RABGEF1: variants seen among roughly 807,000 people sequenced by gnomAD.
RABGEF1 encodes the protein RAB guanine nucleotide exchange factor 1.
In RABGEF1, 26 loss-of-function variants were observed where a neutral mutation model predicts 57.3. That is an observed-to-expected ratio of 0.45 (90% CI 0.33 to 0.63). The LOEUF (loss-of-function observed/expected upper bound fraction) is 0.63, where lower values mean the gene tolerates loss of function less well. RABGEF1 is among the 20% of genes least tolerant of loss of function. The pLI is 0.02. For synonymous variants in RABGEF1, 185 were observed against 210.7 expected, an observed-to-expected ratio of 0.88 and a Z score of 1.06; for missense variants, 464 against 607.6, an observed-to-expected ratio of 0.76 and a Z score of 2.48.
intron 1 of RABGEF1, among the ~76,000 whole-genome samples, chr7:66,765,039 A>T (rs1467503407): frequency 6.6e-6 from 1 of 151,918 alleles, no homozygotes. Context: ...CAACTTAATT[A>T]TATCTGCAAA....
intron 1 of RABGEF1, chr7:66,748,776 G>A (rs116577928): frequency 6.4e-6 from 1 of 157,052 alleles, no homozygotes; most frequent in Admixed American, 6.5e-5. Flanking sequence ...TTGTATTTTT[G>A]TGCTAAATCA....
rs200933003 is a variant in RABGEF1, at chr7:66,724,364, T to TA, written c.-815+12140_-815+12141insA. ...TTCTTTGAATCAGTATTTATTTATT[T>TA]TATTTTTTTTTTTTGAGACGGAGTC... On this transcript the variant is annotated intron_variant and NMD_transcript_variant, in intron 2 of 9. Transcript: ENST00000607882. 8.0e-5 allele frequency among the ~76,000 whole-genome samples: 12 copies of TA among 150,930 alleles called. No homozygotes were observed. The East Asian group carries it at 1.6e-3, about 20-fold the overall frequency.
intron 2 of RABGEF1, among the ~76,000 whole-genome samples, chr7:66,722,523 C>T (rs1393883241): frequency 1.3e-5 from 2 of 152,146 alleles, no homozygotes; most frequent in African/African-American, 4.8e-5. Flanking sequence ...TTTTGATGAA[C>T]TCCAATTTAT....
intron 6 of RABGEF1, 37 bp downstream of exon 6, chr7:66,797,543 C>T (rs767260900): frequency 6.3e-7 from 1 of 1,590,742 alleles, no homozygotes; most frequent in Non-Finnish European, 8.5e-7. Flanking sequence ...TAGTTACTAC[C>T]TTCTAATGGA....
intron 2 of RABGEF1, chr7:66,773,830 TA>T (rs1222761963): frequency 2.4e-6 from 1 of 422,960 alleles, no homozygotes; most frequent in East Asian, 7.2e-5. Flanking sequence ...CATGCCCAGC[TA>T]AGTTTTGTAT....
At chr7:66,732,696 GCT>G (rs369579457) in intron 2 of RABGEF1, among the ~76,000 whole-genome samples, 107 of 151,684 alleles carry the variant, frequency 7.1e-4, no homozygotes, top group African/African-American at 2.2e-3. Flanking sequence ...GCGCTCTTGT[GCT>G]CTCTCTCTCT....
chr7:66,761,708 G>T (rs2129085580), intron 1 of RABGEF1, among the ~76,000 whole-genome samples: 1 of 152,262 alleles, frequency 6.6e-6, no homozygotes, highest in African/African-American at 2.4e-5. Context: ...GTAAAAGGAG[G>T]GTAGGAGAAA....
intron 1 of RABGEF1, among the ~76,000 whole-genome samples, chr7:66,683,631 A>G (rs1562688768): frequency 1.3e-5 from 2 of 152,136 alleles, no homozygotes; most frequent in Non-Finnish European, 2.9e-5. Context: ...TACTTTCTGC[A>G]TGTGTCTTGA....
intron 1 of RABGEF1, among the ~76,000 whole-genome samples, chr7:66,686,193 A>G (rs1252304642): frequency 6.6e-6 from 1 of 151,824 alleles, no homozygotes; most frequent in Non-Finnish European, 1.5e-5. Flanking sequence ...AGGCACAAGA[A>G]TCTCTTGAAC....
rs532917336 is a variant in RABGEF1, at chr7:66,721,195, A to G, written c.-815+8971A>G. Reference sequence around the variant, plus strand: ...CGGCCTCCCAAAGTGCTGGGATTACAGGCATGAGCCACTGTGCCCGGCCAA... The same window carrying G: ...CGGCCTCCCAAAGTGCTGGGATTACGGGCATGAGCCACTGTGCCCGGCCAA... On this transcript the variant is annotated intron_variant and NMD_transcript_variant, in intron 2 of 9. Transcript: ENST00000607882. Among the ~76,000 whole-genome samples the G allele has an allele frequency of 1.4e-4, 21 of 152,374 alleles. 1 individual carries two copies. Among genetic ancestry groups the G allele is most frequent in the African/African-American group, 5.0e-4 (21 of 41,594 alleles).
At chr7:66,754,786 C>T (rs1448556808) in intron 1 of RABGEF1, among the ~76,000 whole-genome samples, 4 of 152,106 alleles carry the variant, frequency 2.6e-5, no homozygotes, top group African/African-American at 4.8e-5. Flanking sequence ...CCAGTGTGGG[C>T]GTGTGTGTAT....
At chr7:66,687,736 C>T in intron 1 of RABGEF1, among the ~76,000 whole-genome samples, 1 of 152,062 alleles carries the variant, frequency 6.6e-6, no homozygotes, top group East Asian at 1.9e-4. Context: ...ACTTTAGATA[C>T]AAAGACACAA....
At chr7:66,695,839 G>A (rs531046393) in intron 1 of RABGEF1, among the ~76,000 whole-genome samples, 16 of 151,778 alleles carry the variant, frequency 1.1e-4, no homozygotes, top group Non-Finnish European at 2.2e-4. Flanking sequence ...GGTAGCGAAC[G>A]CCTGTAATTT....
intron 4 of RABGEF1, among the ~76,000 whole-genome samples, chr7:66,789,706 A>AG (rs1403800051): frequency 5.9e-5 from 9 of 151,480 alleles, no homozygotes; most frequent in Non-Finnish European, 1.3e-4. Context: ...AAAAAAAAAA[A>AG]AAGATGTATT....
intron 1 of RABGEF1, among the ~76,000 whole-genome samples, chr7:66,752,763 T>C (rs1801735372): frequency 6.6e-6 from 1 of 152,246 alleles, no homozygotes; most frequent in Non-Finnish European, 1.5e-5. Flanking sequence ...GTGTTTTAAC[T>C]AGTCTTCCAA....
At chr7:66,785,357 G>A (rs1407015731) in intron 4 of RABGEF1, among the ~76,000 whole-genome samples, 2 of 152,122 alleles carry the variant, frequency 1.3e-5, no homozygotes. Context: ...TGTATCTCAG[G>A]TATCTTTAGT....
chr7:66,694,417 C>T (rs921985585), intron 1 of RABGEF1, among the ~76,000 whole-genome samples: 4 of 152,238 alleles, frequency 2.6e-5, no homozygotes, highest in African/African-American at 9.6e-5. Flanking sequence ...GTGATGAACC[C>T]GGGGAGTTGG....
intron 2 of RABGEF1, among the ~76,000 whole-genome samples, chr7:66,732,034 G>A (rs1366716540): frequency 6.6e-6 from 1 of 152,188 alleles, no homozygotes; most frequent in Non-Finnish European, 1.5e-5. Context: ...CCAGTCAGCC[G>A]CCTGCGGGCC....
chr7:66,728,243 C>T (rs1179538804), intron 2 of RABGEF1, among the ~76,000 whole-genome samples: 5 of 152,142 alleles, frequency 3.3e-5, no homozygotes, highest in Non-Finnish European at 7.3e-5. Context: ...CTGGGTTCTG[C>T]CTGGTTCTTC....
Sources: allele counts gnomAD v4.1 joint callset (sites outside exome capture counted in the v4.1 genomes callset), GRCh38; gene constraint gnomAD v4.1.1; transcripts MANE v1.5; gene names NCBI Gene and HGNC (gene_info 2026-07-23, HGNC 2026-07-21).